Variants in PDE4B observed in about 807,000 individuals in gnomAD.
PDE4B encodes the protein phosphodiesterase 4B.
PDE4B carries 20 observed loss-of-function variants against 82.2 expected under a neutral mutation model. The ratio of observed to expected loss-of-function variants is 0.24; its 90% confidence interval spans 0.17 to 0.35. The LOEUF is 0.35. Ranked by LOEUF, PDE4B falls within the 10% of genes least tolerant of loss-of-function variation. The pLI, the probability that PDE4B is intolerant of heterozygous loss-of-function variation, is 1.00. For missense variants in PDE4B, 655 were observed against 907.2 expected (o/e 0.72, Z 3.57); for synonymous variants, 320 against 318.9 (o/e 1.00, Z -0.04).
intron 1 of PDE4B, among the ~76,000 whole-genome samples, chr1:65,894,220 G>A (rs894956277): frequency 6.6e-6 from 1 of 152,106 alleles, no homozygotes; most frequent in Non-Finnish European, 1.5e-5. Flanking sequence ...TTGGCATAAG[G>A]ATAGACACTA....
intron 3 of PDE4B, among the ~76,000 whole-genome samples, chr1:65,958,750 G>A (rs2997087): frequency 0.73 from 95,319 of 131,368 alleles, 30,576 homozygotes; most frequent in Middle Eastern, 0.79. Context: ...ACACACACAC[G>A]CGCGCGCGCG....
At chr1:65,979,527 G>C (rs1201063029) in intron 3 of PDE4B, among the ~76,000 whole-genome samples, 1 of 152,222 alleles carries the variant, frequency 6.6e-6, no homozygotes, top group African/African-American at 2.4e-5. Context: ...TACCCTAGCA[G>C]TGTTGGCTAA....
At chr1:66,110,605 A>G (rs1234234626) in intron 3 of PDE4B, among the ~76,000 whole-genome samples, 1 of 152,068 alleles carries the variant, frequency 6.6e-6, no homozygotes. Context: ...AAATTTAACC[A>G]TCTGTGTTTT....
At chr1:66,225,758 G>A (rs964681639) in intron 3 of PDE4B, among the ~76,000 whole-genome samples, 1 of 152,180 alleles carries the variant, frequency 6.6e-6, no homozygotes, top group Non-Finnish European at 1.5e-5. Flanking sequence ...TGTTCTTTGA[G>A]TCTCCTGTTT....
At chr1:66,183,208 A>T (rs1647107799) in intron 3 of PDE4B, among the ~76,000 whole-genome samples, 1 of 152,178 alleles carries the variant, frequency 6.6e-6, no homozygotes, top group African/African-American at 2.4e-5. Context: ...ATAGGAACAC[A>T]GAGTAGAATT....
At chr1:65,855,268 T>C (rs964323153) in intron 1 of PDE4B, among the ~76,000 whole-genome samples, 1 of 152,098 alleles carries the variant, frequency 6.6e-6, no homozygotes, top group Admixed American at 6.6e-5. Flanking sequence ...TGATATTTTA[T>C]TAGATATTGG....
chr1:66,051,221 A>T (rs1005321656), intron 3 of PDE4B, among the ~76,000 whole-genome samples: 27 of 152,056 alleles, frequency 1.8e-4, no homozygotes, highest in African/African-American at 6.0e-4. Flanking sequence ...AATAAAATTA[A>T]AAAAAATTAA....
chr1:66,117,679 T>C (rs1645624226), intron 3 of PDE4B, among the ~76,000 whole-genome samples: 2 of 152,186 alleles, frequency 1.3e-5, no homozygotes, highest in African/African-American at 4.8e-5. Context: ...TGAGGTAGTT[T>C]CTGGGATCCT....
At chr1:66,035,534 T>C (rs1479296641) in intron 3 of PDE4B, among the ~76,000 whole-genome samples, 1 of 152,152 alleles carries the variant, frequency 6.6e-6, no homozygotes, top group African/African-American at 2.4e-5. Flanking sequence ...TCTACTTCTA[T>C]GAGTTTAACT....
At chr1:66,323,338 A>G (rs1438491001) in intron 7 of PDE4B, among the ~76,000 whole-genome samples, 1 of 152,070 alleles carries the variant, frequency 6.6e-6, no homozygotes, top group African/African-American at 2.4e-5. Flanking sequence ...CTTCCTTCAC[A>G]TCCCACTTTT....
chr1:66,283,796 A>C (rs1656463958), intron 7 of PDE4B, among the ~76,000 whole-genome samples: 1 of 152,148 alleles, frequency 6.6e-6, no homozygotes, highest in Non-Finnish European at 1.5e-5. Context: ...TAAATGATAA[A>C]TGTCTTTTAG....
chr1:66,223,559 T>C (rs919249875), intron 3 of PDE4B, among the ~76,000 whole-genome samples: 2 of 152,206 alleles, frequency 1.3e-5, no homozygotes, highest in African/African-American at 4.8e-5. Flanking sequence ...AAATTCTGAA[T>C]CTGGAAATCA....
chr1:66,028,386 C>T (rs761171389), intron 3 of PDE4B, among the ~76,000 whole-genome samples: 10 of 152,200 alleles, frequency 6.6e-5, no homozygotes, highest in Non-Finnish European at 1.2e-4. Context: ...ACCACCTTTT[C>T]TTCCTAAGCC....
At chr1:66,071,115 A>AT (rs572053177) in intron 3 of PDE4B, among the ~76,000 whole-genome samples, 21 of 152,198 alleles carry the variant, frequency 1.4e-4, no homozygotes, top group African/African-American at 4.6e-4. Context: ...GACTAGCAGC[A>AT]TAAAATACTC....
At chr1:65,858,420 G>A (rs1390038869) in intron 1 of PDE4B, among the ~76,000 whole-genome samples, 4 of 152,086 alleles carry the variant, frequency 2.6e-5, no homozygotes, top group Non-Finnish European at 5.9e-5. Flanking sequence ...AAAATGTATC[G>A]AAGTTTTAAA....
intron 4 of PDE4B, among the ~76,000 whole-genome samples, chr1:66,250,979 G>C (rs1232997077): frequency 6.6e-6 from 1 of 152,152 alleles, no homozygotes; most frequent in Non-Finnish European, 1.5e-5. Context: ...TGAGACCTAA[G>C]AACCAAGAGG....
intron 3 of PDE4B, among the ~76,000 whole-genome samples, chr1:65,969,477 G>C (rs566489485): frequency 7.2e-4 from 110 of 152,270 alleles, no homozygotes; most frequent in African/African-American, 2.5e-3. Context: ...TGGAAGAGTT[G>C]TTTTCAGGCA....
At chr1:66,249,190 G>C (rs1015480007) in intron 4 of PDE4B, among the ~76,000 whole-genome samples, 7 of 152,210 alleles carry the variant, frequency 4.6e-5, no homozygotes, top group Non-Finnish European at 8.8e-5. Context: ...ACAAAAGTTT[G>C]AATGGGGGTC....
intron 1 of PDE4B, among the ~76,000 whole-genome samples, chr1:65,822,428 A>G (rs1645963968): frequency 6.6e-6 from 1 of 151,818 alleles, no homozygotes; most frequent in Non-Finnish European, 1.5e-5. Context: ...TTTTCCCCAA[A>G]GTGGTTGTAT....
Sources: allele counts gnomAD v4.1 joint callset (sites outside exome capture counted in the v4.1 genomes callset), GRCh38; gene constraint gnomAD v4.1.1; transcripts MANE v1.5; gene names NCBI Gene and HGNC (gene_info 2026-07-23, HGNC 2026-07-21).